Variants in SLIT3 observed in about 807,000 individuals in gnomAD.
The protein encoded by SLIT3 is slit guidance ligand 3, also known as slit homolog 3 protein.
SLIT3 carries 68 observed loss-of-function variants against 184.0 expected under a neutral mutation model. The ratio of observed to expected loss-of-function variants is 0.37; its 90% CI spans 0.30 to 0.45. SLIT3 has a LOEUF of 0.45. Ranked by LOEUF, SLIT3 falls within the 20% of genes least tolerant of loss-of-function variation. SLIT3 has a pLI of 1.00. For missense variants in SLIT3, 1,707 were observed against 2,026.0 expected (o/e 0.84, Z 3.02); for synonymous variants, 831 against 828.6 (o/e 1.00, Z -0.05).
intron 4 of SLIT3, chr5:169,024,860 C>T (rs1282809870): frequency 1.3e-5 from 2 of 152,156 alleles, no homozygotes; most frequent in Non-Finnish European, 2.9e-5. Flanking sequence ...AAATTCCTAC[C>T]CTGATGTACA....
At chr5:169,038,318 G>C (rs369497829) in intron 4 of SLIT3, among the ~76,000 whole-genome samples, 2 of 152,192 alleles carry the variant, frequency 1.3e-5, no homozygotes, top group East Asian at 3.9e-4. Flanking sequence ...TGGAACTGCT[G>C]ATTGAATATG....
At chr5:169,132,164 A>G (rs1428050370) in intron 4 of SLIT3, among the ~76,000 whole-genome samples, 2 of 152,204 alleles carry the variant, frequency 1.3e-5, no homozygotes, top group African/African-American at 2.4e-5. Context: ...CCTGTGGACG[A>G]TAACGGGGTA....
intron 4 of SLIT3, among the ~76,000 whole-genome samples, chr5:169,004,524 GAGGAGAGA>G (rs1420147737): frequency 6.6e-6 from 1 of 152,174 alleles, no homozygotes; most frequent in Non-Finnish European, 1.5e-5. Context: ...GTGATGCAGA[GAGGAGAGA>G]AGGGGCTTTG....
At chr5:169,004,249 G>T (rs1036869932) in intron 4 of SLIT3, among the ~76,000 whole-genome samples, 2 of 152,156 alleles carry the variant, frequency 1.3e-5, no homozygotes, top group Non-Finnish European at 2.9e-5. Flanking sequence ...AAGTGGATGG[G>T]AATGGCTCCT....
At position 169,059,473 on chromosome 5, in the gene SLIT3, G is replaced by A. The variant is rs540907300; in HGVS notation, c.413+134006C>T. On this transcript the variant is annotated intron_variant, in intron 4 of 35. Transcript: ENST00000519560. ...TCCAGACATCAAGTCGTTTACCTGA[G>A]TTGCACTGCCAGAAAGTAGAAGGGC... Among the ~76,000 whole-genome samples the A allele has an allele frequency of 3.9e-5, 6 of 152,272 alleles. No individual in the cohort carries two copies. The South Asian group carries it at 1.2e-3, about 32-fold the overall frequency.
intron 4 of SLIT3, among the ~76,000 whole-genome samples, chr5:169,151,757 C>T (rs184765530): frequency 6.6e-6 from 1 of 152,308 alleles, no homozygotes; most frequent in Non-Finnish European, 1.5e-5. Flanking sequence ...GGCCTGCCTT[C>T]CTCATCGAGT....
At chr5:168,678,916 T>G (rs1761496395) in intron 32 of SLIT3, among the ~76,000 whole-genome samples, 1 of 152,172 alleles carries the variant, frequency 6.6e-6, no homozygotes, top group Non-Finnish European at 1.5e-5. Context: ...AGGGTCTTCC[T>G]CATTATCTAC....
chr5:168,733,739 T>C (rs1471003849), intron 20 of SLIT3, among the ~76,000 whole-genome samples: 3 of 150,436 alleles, frequency 2.0e-5, no homozygotes, highest in African/African-American at 4.9e-5. Context: ...GGCACATGTA[T>C]ACCTACATAA....
intron 27 of SLIT3, among the ~76,000 whole-genome samples, chr5:168,700,181 A>G (rs778417504): frequency 2.7e-4 from 41 of 152,188 alleles, no homozygotes; most frequent in Non-Finnish European, 5.6e-4. Flanking sequence ...TAGCCTGCCC[A>G]GGGAGCCCTC....
intron 4 of SLIT3, among the ~76,000 whole-genome samples, chr5:168,888,898 T>C (rs1760328668): frequency 6.6e-6 from 1 of 152,204 alleles, no homozygotes; most frequent in Non-Finnish European, 1.5e-5. Context: ...ACCTGCCCAT[T>C]GGTGCATTCA....
chr5:169,251,502 A>C (rs1161538984), intron 1 of SLIT3, 43 bp from the exon 2 acceptor site: 1 of 1,324,684 alleles, frequency 7.5e-7, no homozygotes, highest in Non-Finnish European at 1.1e-6. Flanking sequence ...TGTGGGTTAC[A>C]ATTACGGTCT....
intron 5 of SLIT3, among the ~76,000 whole-genome samples, chr5:168,848,926 G>A (rs1197773507): frequency 1.3e-5 from 2 of 152,088 alleles, no homozygotes; most frequent in African/African-American, 2.4e-5. Context: ...ATGTTTTTGT[G>A]CTTCAGAAAT....
At chr5:169,020,224 A>T (rs552929608) in intron 4 of SLIT3, among the ~76,000 whole-genome samples, 2 of 152,340 alleles carry the variant, frequency 1.3e-5, no homozygotes, top group Admixed American at 1.3e-4. Context: ...ACTGGCTGGC[A>T]GTTGAACAAA....
At chr5:168,923,835 T>G (rs565130037) in intron 4 of SLIT3, among the ~76,000 whole-genome samples, 9 of 152,266 alleles carry the variant, frequency 5.9e-5, no homozygotes, top group Non-Finnish European at 1.2e-4. Context: ...TAAAGGCTTC[T>G]CAGTGTCCTT....
At chr5:168,781,121 AC>A (rs1189273109) in intron 12 of SLIT3, among the ~76,000 whole-genome samples, 1 of 152,186 alleles carries the variant, frequency 6.6e-6, no homozygotes, top group Non-Finnish European at 1.5e-5. Context: ...ATGCAGCAAC[AC>A]CATTGGGCGG....
chr5:169,045,290 C>T (rs1757589033), intron 4 of SLIT3, among the ~76,000 whole-genome samples: 1 of 152,134 alleles, frequency 6.6e-6, no homozygotes, highest in Admixed American at 6.5e-5. Flanking sequence ...TTGGGCACAG[C>T]TTCACTTGCT....
intron 3 of SLIT3, among the ~76,000 whole-genome samples, chr5:169,236,419 C>T (rs1011679886): frequency 3.4e-4 from 52 of 151,956 alleles, no homozygotes; most frequent in Admixed American, 1.3e-4. Flanking sequence ...CTCATTGCTA[C>T]TCCAGTGTTG....
chr5:168,869,347 A>C lies in SLIT3; in HGVS notation c.485+13918T>G, dbSNP rs1759426861. Among the ~76,000 whole-genome samples, 3 of 152,212 alleles carry C rather than the reference A, an allele frequency of 2.0e-5. No homozygotes were observed. The South Asian group carries it at 6.2e-4, about 32-fold the overall frequency. On this transcript the variant is annotated intron_variant, in intron 5 of 35. Transcript: ENST00000519560. ...ACTCAGTGACTATGTGACCCTGGGT[A>C]AATCATTTCACTTTTGTATGCCTCC...
At chr5:169,173,232 G>A (rs554415429) in intron 4 of SLIT3, among the ~76,000 whole-genome samples, 1 of 152,320 alleles carries the variant, frequency 6.6e-6, no homozygotes, top group African/African-American at 2.4e-5. Flanking sequence ...TTGCACTCCA[G>A]CATGGGCAAC....
Sources: gnomAD v4.1 joint callset for allele counts (sites outside exome capture counted in the v4.1 genomes callset) on GRCh38, gnomAD v4.1.1 for gene constraint, MANE v1.5 for transcripts, NCBI Gene and HGNC (gene_info 2026-07-23, HGNC 2026-07-21) for gene names.